The following TMEM132D variants were observed in gnomAD, a reference collection of about 807,000 sequenced individuals.
TMEM132D encodes the protein mature OL transmembrane protein.
In TMEM132D, 21 loss-of-function variants were observed where a neutral mutation model predicts 62.3. The ratio of observed to expected loss-of-function variants is 0.34; its 90% confidence interval spans 0.24 to 0.49. The LOEUF (loss-of-function observed/expected upper bound fraction) is 0.49. TMEM132D is among the 20% of genes least tolerant of loss of function. The pLI, the probability that TMEM132D is intolerant of heterozygous loss-of-function variation, is 0.99. For missense variants in TMEM132D, 1,346 were observed against 1,402.8 expected, an observed-to-expected ratio of 0.96 and a Z score of 0.65; for synonymous variants, 621 against 575.6, an observed-to-expected ratio of 1.08 and a Z score of -1.13.
chr12:129,543,834 C>T (rs1168495746), intron 2 of TMEM132D, among the ~76,000 whole-genome samples: 1 of 152,178 alleles, frequency 6.6e-6, no homozygotes, highest in Non-Finnish European at 1.5e-5. Flanking sequence ...CTTTTTTCTA[C>T]ACATACTAAT....
intron 2 of TMEM132D, among the ~76,000 whole-genome samples, chr12:129,546,637 T>C (rs1253561176): frequency 6.6e-6 from 1 of 151,726 alleles, no homozygotes; most frequent in Non-Finnish European, 1.5e-5. Flanking sequence ...CCGTCTCTAC[T>C]AAAAATAAAA....
chr12:129,794,909 T>C (rs2137301420), intron 1 of TMEM132D, among the ~76,000 whole-genome samples: 1 of 152,314 alleles, frequency 6.6e-6, no homozygotes, highest in East Asian at 1.9e-4. Flanking sequence ...TATATGCATT[T>C]CCGGGGAAAT....
chr12:129,488,212 T>G (rs1222260559), intron 3 of TMEM132D, among the ~76,000 whole-genome samples: 2 of 152,182 alleles, frequency 1.3e-5, no homozygotes, highest in African/African-American at 4.8e-5. Context: ...CTGTGGAACT[T>G]TGTTACAGCA....
intron 2 of TMEM132D, among the ~76,000 whole-genome samples, chr12:129,647,227 G>C (rs1879807487): frequency 7.6e-6 from 1 of 130,758 alleles, no homozygotes; most frequent in South Asian, 2.5e-4. Context: ...ATTATTTGCT[G>C]TTCCTTTGTT....
intron 4 of TMEM132D, among the ~76,000 whole-genome samples, chr12:129,313,430 T>A (rs942701561): frequency 2.6e-5 from 4 of 152,168 alleles, no homozygotes; most frequent in African/African-American, 9.7e-5. Flanking sequence ...TGACTTTCCA[T>A]TCCTGAGTTA....
chr12:129,672,326 C>A (rs2137200622), intron 2 of TMEM132D, among the ~76,000 whole-genome samples: 1 of 152,334 alleles, frequency 6.6e-6, no homozygotes. Context: ...CATTTCCTAT[C>A]TACCAGCTGG....
At chr12:129,582,097 C>A (rs149069120) in intron 2 of TMEM132D, among the ~76,000 whole-genome samples, 1 of 152,176 alleles carries the variant, frequency 6.6e-6, no homozygotes, top group Non-Finnish European at 1.5e-5. Context: ...TTTTATTTCC[C>A]GTCTTGATGA....
chr12:129,527,279 G>T (rs993903196), intron 3 of TMEM132D, among the ~76,000 whole-genome samples: 2 of 152,068 alleles, frequency 1.3e-5, no homozygotes, highest in Non-Finnish European at 2.9e-5. Context: ...ACTGCACTCC[G>T]GCTTGGGCAA....
At chr12:129,391,530 TGGACAAGCCCAGTGAGGTCTC>T (rs1871289521) in intron 3 of TMEM132D, among the ~76,000 whole-genome samples, 1 of 152,294 alleles carries the variant, frequency 6.6e-6, no homozygotes, top group East Asian at 1.9e-4. Flanking sequence ...GGGCGGTGCC[TGGACAAGCCCAGTGAGGTCTC>T]AGAATTCAGA....
At chr12:129,547,094 G>C (rs1156737219) in intron 2 of TMEM132D, among the ~76,000 whole-genome samples, 5 of 152,136 alleles carry the variant, frequency 3.3e-5, no homozygotes, top group African/African-American at 4.8e-5. Context: ...TGGGGCTCTA[G>C]GGAAGAATCC....
At chr12:129,552,496 A>T (rs895120644) in intron 2 of TMEM132D, among the ~76,000 whole-genome samples, 1 of 151,898 alleles carries the variant, frequency 6.6e-6, no homozygotes, top group East Asian at 1.9e-4. Flanking sequence ...CTACATTATC[A>T]TCTATTATCT....
At chr12:129,643,768 A>C (rs1230711762) in intron 2 of TMEM132D, among the ~76,000 whole-genome samples, 2 of 152,022 alleles carry the variant, frequency 1.3e-5, no homozygotes. Context: ...TTATCTACCT[A>C]TGACCTGGAA....
At chr12:129,227,812 T>C (rs187438890) in intron 4 of TMEM132D, among the ~76,000 whole-genome samples, 23 of 152,200 alleles carry the variant, frequency 1.5e-4, no homozygotes, top group African/African-American at 4.6e-4. Context: ...AGAGTTCTTA[T>C]TGTTCAATTC....
intron 3 of TMEM132D, among the ~76,000 whole-genome samples, chr12:129,481,866 G>T (rs541986742): frequency 6.6e-6 from 1 of 151,988 alleles, no homozygotes; most frequent in East Asian, 1.9e-4. Flanking sequence ...ACCCTCCCAG[G>T]CACCCCCACC....
chr12:129,517,137 T>C (rs1875705603), intron 3 of TMEM132D, among the ~76,000 whole-genome samples: 2 of 152,114 alleles, frequency 1.3e-5, no homozygotes, highest in South Asian at 4.1e-4. Context: ...CAGGCATATT[T>C]GGGGTGAGGG....
intron 5 of TMEM132D, among the ~76,000 whole-genome samples, chr12:129,197,345 A>G (rs564700193): frequency 6.6e-6 from 1 of 152,344 alleles, no homozygotes; most frequent in South Asian, 2.1e-4. Flanking sequence ...AGAGCAAGAT[A>G]GAAAAGGGCT....
chr12:129,074,334 G>A lies in TMEM132D; in HGVS notation c.2841C>T (p.His947=), dbSNP rs2135602641. The change falls in exon 9 of 9, where the codon CAC becomes CAT. Residue 947 remains histidine (H), a synonymous_variant. Coordinates refer to ENST00000422113, the MANE Select transcript of TMEM132D (RefSeq NM_133448.3). ...NCVTFALKYR[H]KQVPFEEQEG... is the part of the protein sequence containing the mutation. ...CCTGCTCCTCGAAGGGAACCTGTTT[G>A]TGTCTGTATTTTAATGCAAAGGTCA... 5.0e-6 allele frequency: 8 copies of A among 1,614,068 alleles called. No homozygotes were observed. Among genetic ancestry groups the A allele is most frequent in the African/African-American group, 1.3e-5 (1 of 75,002 alleles).
intron 1 of TMEM132D, among the ~76,000 whole-genome samples, chr12:129,711,584 G>A (rs1489136747): frequency 2.0e-5 from 3 of 151,914 alleles, no homozygotes; most frequent in Admixed American, 6.5e-5. Flanking sequence ...AAAATTAGCC[G>A]GGCATGGTGG....
chr12:129,218,281 T>C (rs1485629538), intron 4 of TMEM132D, among the ~76,000 whole-genome samples: 1 of 152,244 alleles, frequency 6.6e-6, no homozygotes, highest in Non-Finnish European at 1.5e-5. Flanking sequence ...TGAACAGTTA[T>C]GGGTCACTAA....
Sources: gnomAD v4.1 joint callset for allele counts (sites outside exome capture counted in the v4.1 genomes callset) on GRCh38, gnomAD v4.1.1 for gene constraint, MANE v1.5 for transcripts, NCBI Gene and HGNC (gene_info 2026-07-23, HGNC 2026-07-21) for gene names.